SRD5A3: variants seen among roughly 807,000 people sequenced by gnomAD.
SRD5A3 encodes polyprenal reductase.
Under a neutral mutation model 34.3 loss-of-function variants are expected in SRD5A3, and 24 were observed. The ratio of observed to expected loss-of-function variants is 0.70; its 90% confidence interval spans 0.51 to 0.99. SRD5A3 has a LOEUF of 0.99. Ranked by LOEUF, SRD5A3 falls within the 50% of genes least tolerant of loss-of-function variation. The pLI, the probability that SRD5A3 is intolerant of heterozygous loss-of-function variation, is 0.00. For missense variants in SRD5A3, 350 were observed against 388.2 expected (o/e 0.90, Z 0.83); for synonymous variants, 161 against 167.3 (o/e 0.96, Z 0.29).
intron 1 of SRD5A3, chr4:55,359,025 G>A (rs779040694): frequency 8.1e-6 from 3 of 368,262 alleles, no homozygotes; most frequent in Non-Finnish European, 1.6e-5. Context: ...TGCAGCCTCC[G>A]TTTTGGGAAC....
At chr4:55,353,981 C>A (rs983252195) in intron 1 of SRD5A3, among the ~76,000 whole-genome samples, 1 of 152,232 alleles carries the variant, frequency 6.6e-6, no homozygotes, top group Non-Finnish European at 1.5e-5. Context: ...TTGGTGGTGA[C>A]ATTAAAGCAT....
rs1407957648 is a variant in SRD5A3 at position 55,371,653 on chromosome 4, T to C, written c.*1562T>C. The C allele has an allele frequency of 6.6e-6, 1 of 152,154 alleles. No individual in the cohort carries two copies. The highest frequency in any genetic ancestry group is 1.9e-4 in the East Asian group (1 of 5,190). The allele number at this position is 152,154 out of a possible 1,614,324, so 9.4% of individuals were successfully genotyped here. On this transcript the variant is annotated 3_prime_UTR_variant, in exon 5 of 5. Coordinates refer to ENST00000264228, the MANE Select transcript of SRD5A3 (RefSeq NM_024592.5). Reference sequence around the variant, plus strand: ...CAAAACTGTTAAACTAAGATTCCTTTGTTTTTTTTGTTTTTTTGAGATGGA... The same window carrying C: ...CAAAACTGTTAAACTAAGATTCCTTCGTTTTTTTTGTTTTTTTGAGATGGA...
rs770464192 is a variant in SRD5A3 at position 55,370,008 on chromosome 4, G to C, written c.874G>C (p.Ala292Pro). Reference protein sequence around the residue: ...TNVFFNQALSAFLSHQFYKSK... With the variant: ...TNVFFNQALSPFLSHQFYKSK... Reference sequence around the variant, plus strand: ...TGTCTTCTTTAATCAGGCCCTGTCTGCCTTTCTCAGCCACCAATTCTACAA... The same window carrying C: ...TGTCTTCTTTAATCAGGCCCTGTCTCCCTTTCTCAGCCACCAATTCTACAA... The change falls in exon 5 of 5, where the codon GCC (alanine) becomes CCC (proline). Residue 292 changes from alanine (A) to proline (P), a missense_variant. Physicochemically the swap from Ala to Pro is conservative, Grantham distance 27. Transcript: ENST00000264228. 6 of 1,614,114 alleles carry C rather than the reference G, an allele frequency of 3.7e-6. No homozygotes were observed. The highest frequency in any genetic ancestry group is 1.1e-5 in the South Asian group (1 of 91,082).
intron 1 of SRD5A3, among the ~76,000 whole-genome samples, chr4:55,351,452 C>T (rs1345717814): frequency 6.6e-6 from 1 of 152,020 alleles, no homozygotes; most frequent in African/African-American, 2.4e-5. Flanking sequence ...GTGGCTCACA[C>T]CTGCAATCCC....
Position 55,346,424 on chromosome 4 carries a change from C to A in SRD5A3, c.88C>A (p.Leu30Ile). 1 of 1,603,058 alleles carries A rather than the reference C, an allele frequency of 6.2e-7. No individual in the cohort carries two copies. Among genetic ancestry groups the A allele is most frequent in the Non-Finnish European group, 8.5e-7 (1 of 1,175,870 alleles). ...GCTGACCGCCGCCTTCCTGCTGACC[C>A]TACTGCTGCAGCTCCTGCCGCCCGG... ...LTLTAAFLLTLLLQLLPPGLL... is the reference protein window; with the variant it reads ...LTLTAAFLLTILLQLLPPGLL... Residue 30 changes from leucine (L) to isoleucine (I), a missense_variant, in exon 1 of 5, where the codon CTA becomes ATA. Transcript: ENST00000264228.
At chr4:55,366,015 A>C (rs1210458330) in intron 3 of SRD5A3, among the ~76,000 whole-genome samples, 1 of 152,236 alleles carries the variant, frequency 6.6e-6, no homozygotes, top group Non-Finnish European at 1.5e-5. Flanking sequence ...TGTAAGCTCT[A>C]TAAGGACTGG....
intron 1 of SRD5A3, among the ~76,000 whole-genome samples, chr4:55,351,546 A>C (rs1022818265): frequency 2.0e-5 from 3 of 151,860 alleles, no homozygotes; most frequent in African/African-American, 7.3e-5. Context: ...TTAGCTGGCC[A>C]CTCGGGAGGC....
intron 1 of SRD5A3, among the ~76,000 whole-genome samples, chr4:55,358,555 A>AGAAG (rs58619572): frequency 2.7e-5 from 3 of 110,170 alleles, no homozygotes; most frequent in Admixed American, 1.1e-4. Flanking sequence ...AAAAAAAAAA[A>AGAAG]AAGAAGAAGA....
At chr4:55,354,609 G>A (rs1719361964) in intron 1 of SRD5A3, among the ~76,000 whole-genome samples, 1 of 152,012 alleles carries the variant, frequency 6.6e-6, no homozygotes, top group African/African-American at 2.4e-5. Context: ...ACTCTACCTG[G>A]AAAGGCCTTT....
In SRD5A3 at chr4:55,346,243, G is replaced by C; in HGVS notation, c.-94G>C. 8.5e-7 allele frequency: 1 copy of C among 1,179,946 alleles called. No homozygotes were observed. The highest frequency in any genetic ancestry group is 1.1e-6 in the Non-Finnish European group (1 of 914,856). 73.1% of individuals were successfully genotyped at this position (1,179,946 alleles called of 1,614,324 possible). A position where few individuals can be genotyped will look rare whatever the true frequency, so the allele number is the denominator to read the frequency against. ...GCGCCGCGTCACCGACGTCCCGCTA[G>C]GCTGAGACCGGTGCGCCGCGCGCTA... On this transcript the variant is annotated 5_prime_UTR_variant, in exon 1 of 5. Transcript: ENST00000264228.
chr4:55,367,784 G>T (rs1297239818), intron 4 of SRD5A3, 62 bp downstream of exon 4: 71 of 1,604,126 alleles, frequency 4.4e-5, no homozygotes, highest in Non-Finnish European at 5.7e-5. Context: ...GTTCTCCATG[G>T]TCCTGCATGC....
At chr4:55,346,650 C>A in intron 1 of SRD5A3, 93 bp downstream of exon 1, 1 of 1,237,380 alleles carries the variant, frequency 8.1e-7, no homozygotes, top group Non-Finnish European at 1.1e-6. Context: ...GCAGCAGAGG[C>A]GGGACCCGGC....
At chr4:55,347,007 G>A (rs1277158002) in intron 1 of SRD5A3, among the ~76,000 whole-genome samples, 3 of 152,206 alleles carry the variant, frequency 2.0e-5, no homozygotes, top group Non-Finnish European at 4.4e-5. Flanking sequence ...AATGAAGTTA[G>A]GCCGGCTCTT....
intron 3 of SRD5A3, among the ~76,000 whole-genome samples, chr4:55,365,900 C>T (rs190314814): frequency 5.1e-4 from 77 of 152,192 alleles, no homozygotes; most frequent in African/African-American, 1.8e-3. Flanking sequence ...GCATCTGGCT[C>T]ATTGAGCTTC....
rs1441404507 is a variant in SRD5A3 at position 55,346,357 on chromosome 4, C to T, written c.21C>T (p.Ala7=). The T allele has an allele frequency of 6.5e-7, 1 of 1,527,678 alleles. No individual in the cohort carries two copies. Among genetic ancestry groups the T allele is most frequent in the Non-Finnish European group, 8.8e-7 (1 of 1,139,636 alleles). The allele number at this position is 1,527,678 out of a possible 1,614,324, so 94.6% of individuals were successfully genotyped here. A position where few individuals can be genotyped will look rare whatever the true frequency, so the allele number is the denominator to read the frequency against. The change falls in exon 1 of 5, where the codon GCC becomes GCT. Residue 7 remains alanine (A), a synonymous_variant. Transcript: ENST00000264228. ...GGGCCATGGCTCCCTGGGCGGAGGC[C>T]GAGCACTCGGCGCTGAACCCGCTGC... The part of the protein sequence containing the change: MAPWAE[A]EHSALNPLRA...
chr4:55,355,561 A>G (rs1292364331), intron 1 of SRD5A3, among the ~76,000 whole-genome samples: 1 of 152,194 alleles, frequency 6.6e-6, no homozygotes, highest in Non-Finnish European at 1.5e-5. Flanking sequence ...GAAAGACACC[A>G]TGACACAAGT....
At chr4:55,358,415 G>T (rs1238852819) in intron 1 of SRD5A3, among the ~76,000 whole-genome samples, 2 of 151,754 alleles carry the variant, frequency 1.3e-5, no homozygotes, top group African/African-American at 4.8e-5. Context: ...ACAAGCCTGT[G>T]GTCCCAGCTA....
intron 3 of SRD5A3, chr4:55,365,730 T>C (rs1171259733): frequency 6.6e-6 from 1 of 152,256 alleles, no homozygotes; most frequent in Non-Finnish European, 1.5e-5. Flanking sequence ...TGAAGCTGTT[T>C]TCTGTTTCAC....
intron 1 of SRD5A3, among the ~76,000 whole-genome samples, chr4:55,355,302 C>CA (rs1467243014): frequency 6.6e-6 from 1 of 151,836 alleles, no homozygotes; most frequent in Non-Finnish European, 1.5e-5. Flanking sequence ...ACTAAAAATA[C>CA]AAAAAATTAG....
Sources: gnomAD v4.1 joint callset for allele counts (sites outside exome capture counted in the v4.1 genomes callset) on GRCh38, gnomAD v4.1.1 for gene constraint, MANE v1.5 for transcripts, NCBI Gene and HGNC (gene_info 2026-07-23, HGNC 2026-07-21) for gene names.